SPTLC2: variants seen among roughly 807,000 people sequenced by gnomAD.
SPTLC2 encodes the protein serine palmitoyltransferase long chain base subunit 2.
Under a neutral mutation model 62.0 loss-of-function variants are expected in SPTLC2, and 21 were observed. The observed-to-expected ratio is 0.34, with a 90% CI of 0.24 to 0.49. The LOEUF is 0.49. SPTLC2 is among the 20% of genes least tolerant of loss of function. The pLI is 0.99. For synonymous variants in SPTLC2, 261 were observed against 261.8 expected (o/e 1.00, Z 0.03); for missense variants, 511 against 713.0 (o/e 0.72, Z 3.23).
chr14:77,543,882 CCTGT>C (rs1342975968), intron 9 of SPTLC2, among the ~76,000 whole-genome samples: 10 of 152,120 alleles, frequency 6.6e-5, no homozygotes, highest in African/African-American at 2.2e-4. Context: ...CCAGCAAATG[CCTGT>C]CTTACAAGCC....
At chr14:77,548,075 C>T (rs1428107756) in intron 9 of SPTLC2, among the ~76,000 whole-genome samples, 1 of 152,034 alleles carries the variant, frequency 6.6e-6, no homozygotes, top group Non-Finnish European at 1.5e-5. Context: ...TAGCTGCCTG[C>T]AAGGACCCAG....
intron 9 of SPTLC2, among the ~76,000 whole-genome samples, chr14:77,532,651 G>A (rs1297045571): frequency 6.6e-6 from 1 of 152,080 alleles, no homozygotes; most frequent in Non-Finnish European, 1.5e-5. Flanking sequence ...GGGTGTGGTG[G>A]CAGGCGCCTG....
At chr14:77,580,143 T>A (rs2079740065) in intron 2 of SPTLC2, among the ~76,000 whole-genome samples, 1 of 151,662 alleles carries the variant, frequency 6.6e-6, no homozygotes. Context: ...ATGAAACAAA[T>A]CCAAAGAGAA....
chr14:77,608,989 C>T (rs2140065420), intron 1 of SPTLC2, among the ~76,000 whole-genome samples: 1 of 150,900 alleles, frequency 6.6e-6, no homozygotes, highest in South Asian at 2.1e-4. Context: ...TGCTTGATGG[C>T]AATGTGTTTG....
At chr14:77,604,191 T>C (rs561403769) in intron 1 of SPTLC2, among the ~76,000 whole-genome samples, 10 of 152,338 alleles carry the variant, frequency 6.6e-5, no homozygotes, top group Non-Finnish European at 1.3e-4. Flanking sequence ...CAGACACCTC[T>C]GCCGAAAGAA....
chr14:77,552,175 G>A lies in SPTLC2; in HGVS notation c.1224C>T (p.Ala408=), dbSNP rs1396348506. The part of the protein sequence containing the change: ...LRTHSHSAVY[A]TSLSPPVVEQ... ...CCACTACAGGAGGTGACAATGACGT[G>A]GCATACACTGCACTATGAGAATGTG... Residue 408 remains alanine (A), a synonymous_variant, in exon 9 of 12, where the codon GCC becomes GCT. Transcript: ENST00000216484. 8 of 1,613,998 alleles carry A rather than the reference G, an allele frequency of 5.0e-6. No individual in the cohort carries two copies. In the South Asian group the frequency reaches 6.6e-5, roughly 13 times the overall value.
intron 6 of SPTLC2, among the ~76,000 whole-genome samples, chr14:77,557,480 T>C (rs760534203): frequency 1.3e-5 from 2 of 152,148 alleles, no homozygotes; most frequent in Admixed American, 6.5e-5. Flanking sequence ...AAATACAGAA[T>C]CAAACTGTAT....
intron 4 of SPTLC2, among the ~76,000 whole-genome samples, chr14:77,572,038 T>C (rs2079686400): frequency 6.6e-6 from 1 of 152,230 alleles, no homozygotes; most frequent in South Asian, 2.1e-4. Context: ...TCCACCCACC[T>C]TGGCCTCCCA....
At chr14:77,542,671 G>A (rs2079507641) in intron 9 of SPTLC2, among the ~76,000 whole-genome samples, 1 of 152,140 alleles carries the variant, frequency 6.6e-6, no homozygotes, top group Non-Finnish European at 1.5e-5. Flanking sequence ...ATATCCTAGG[G>A]ATGCTGTTCT....
chr14:77,519,340 T>G (rs1245348684), intron 10 of SPTLC2, among the ~76,000 whole-genome samples: 1 of 152,088 alleles, frequency 6.6e-6, no homozygotes, highest in Non-Finnish European at 1.5e-5. Context: ...TGGCCCAAAT[T>G]ATGTTGCTTT....
At chr14:77,516,777 T>A (rs75562039) in intron 11 of SPTLC2, among the ~76,000 whole-genome samples, 1,717 of 152,358 alleles carry the variant, frequency 0.011, 35 homozygotes, top group African/African-American at 0.039. Flanking sequence ...ACAGATCTCA[T>A]GTTAAGTGTT....
At chr14:77,513,837 G>A (rs955459359) in intron 11 of SPTLC2, among the ~76,000 whole-genome samples, 1 of 150,550 alleles carries the variant, frequency 6.6e-6, no homozygotes, top group African/African-American at 2.4e-5. Flanking sequence ...GGAGGCTGCG[G>A]TGAGTTGAGT....
chr14:77,614,402 C>T (rs1018530513), intron 1 of SPTLC2, among the ~76,000 whole-genome samples: 1 of 126,460 alleles, frequency 7.9e-6, no homozygotes, highest in Non-Finnish European at 1.9e-5. Flanking sequence ...CAGTGGCTCA[C>T]ACCCGTAATC....
intron 2 of SPTLC2, among the ~76,000 whole-genome samples, chr14:77,581,819 C>A (rs745709071): frequency 3.3e-5 from 5 of 152,022 alleles, no homozygotes; most frequent in African/African-American, 1.2e-4. Flanking sequence ...AATGGCATGT[C>A]CATTTTGATA....
At chr14:77,522,451 C>A (rs890117488) in intron 9 of SPTLC2, among the ~76,000 whole-genome samples, 5 of 152,242 alleles carry the variant, frequency 3.3e-5, no homozygotes, top group Admixed American at 2.0e-4. Context: ...ACATGAGCCA[C>A]CGCGCCTAGC....
Position 77,512,371 on chromosome 14 carries a change from T to C in SPTLC2, c.1602A>G (p.Leu534=). Reference sequence around the variant, plus strand: ...GATGACGGGAATACTTCAGCTGCAATAGGTCCCCAACTTCATCTATCTCCT... The same window carrying C: ...GATGACGGGAATACTTCAGCTGCAACAGGTCCCCAACTTCATCTATCTCCT... ...ALKEIDEVGD[L]LQLKYSRHRL... Residue 534 remains leucine, a synonymous_variant, in exon 12 of 12, where the codon CTA becomes CTG. Transcript: ENST00000216484. The C allele has an allele frequency of 1.2e-6, 2 of 1,614,206 alleles. No individual in the cohort carries two copies. The highest frequency in any genetic ancestry group is 1.1e-5 in the South Asian group (1 of 91,088).
intron 6 of SPTLC2, among the ~76,000 whole-genome samples, chr14:77,558,128 G>T (rs1163346497): frequency 6.6e-6 from 1 of 151,554 alleles, no homozygotes; most frequent in Non-Finnish European, 1.5e-5. Flanking sequence ...CCTCACTGAG[G>T]CCTCCACCTC....
At chr14:77,577,203 T>G (rs1384124512) in intron 3 of SPTLC2, among the ~76,000 whole-genome samples, 1 of 136,154 alleles carries the variant, frequency 7.3e-6, no homozygotes, top group Non-Finnish European at 1.7e-5. Flanking sequence ...GAGGGCAGTT[T>G]GGCAGTACTT....
chr14:77,529,384 G>A (rs1167450518), intron 9 of SPTLC2, among the ~76,000 whole-genome samples: 1 of 149,570 alleles, frequency 6.7e-6, no homozygotes, highest in Non-Finnish European at 1.5e-5. Context: ...CCTGCGTTGT[G>A]TGTCTCTATT....
Sources: gnomAD v4.1 joint callset for allele counts (sites outside exome capture counted in the v4.1 genomes callset) on GRCh38, gnomAD v4.1.1 for gene constraint, MANE v1.5 for transcripts, NCBI Gene and HGNC (gene_info 2026-07-23, HGNC 2026-07-21) for gene names.